Variants in ADCY5 observed in about 807,000 individuals in gnomAD.
ADCY5 encodes adenylate cyclase type 5.
ADCY5 carries 30 observed loss-of-function variants against 119.7 expected under a neutral mutation model. The ratio of observed to expected loss-of-function variants is 0.25; its 90% CI spans 0.19 to 0.34. The LOEUF is 0.34. ADCY5 is among the 10% of genes least tolerant of loss of function. The probability of loss-of-function intolerance (pLI) is 1.00; values close to 1 mark genes in which losing one functional copy is unlikely to be tolerated. For synonymous variants in ADCY5, 753 were observed against 762.2 expected (o/e 0.99, Z 0.20); for missense variants, 1,324 against 1,775.2 (o/e 0.75, Z 4.57).
chr3:123,435,460 C>T (rs1276855600), intron 1 of ADCY5, among the ~76,000 whole-genome samples: 1 of 152,160 alleles, frequency 6.6e-6, no homozygotes, highest in African/African-American at 2.4e-5. Context: ...GAAGATTTAA[C>T]CAATGACGGA....
Position 123,448,221 on chromosome 3 carries a change from C to T in ADCY5, c.325G>A (p.Asp109Asn), listed in dbSNP as rs754662303. 6 of 1,335,318 alleles carry T rather than the reference C, an allele frequency of 4.5e-6. No individual in the cohort carries two copies. The highest frequency in any genetic ancestry group is 5.7e-6 in the Non-Finnish European group (6 of 1,044,196). The allele number at this position is 1,335,318 out of a possible 1,614,324, so 82.7% of individuals were successfully genotyped here. The stretch of plus-strand genomic sequence containing the variant: ...CGGCGGCTGCCGCGACCGCAGTCGT[C>T]GCCGCCGCGCTCCTGCCAGGCGGAC... Reference protein sequence around the residue: ...SKSAWQERGGDDCGRGSRRQR... With the variant: ...SKSAWQERGGNDCGRGSRRQR... Residue 109 changes from aspartate to asparagine, a missense_variant, in exon 1 of 21, where the codon GAC becomes AAC. This residue lies in a region of ADCY5 where 585 missense variants were observed against 569.9 expected (regional missense o/e 1.03). Transcript: ENST00000462833.
chr3:123,427,839 GT>G (rs1366210500), intron 1 of ADCY5, among the ~76,000 whole-genome samples: 1 of 152,230 alleles, frequency 6.6e-6, no homozygotes, highest in Non-Finnish European at 1.5e-5. Flanking sequence ...TGAGGACAGG[GT>G]CTGTGGCTTG....
chr3:123,437,304 C>A (rs1380070210), intron 1 of ADCY5, among the ~76,000 whole-genome samples: 1 of 152,122 alleles, frequency 6.6e-6, no homozygotes, highest in Non-Finnish European at 1.5e-5. Flanking sequence ...AACTCCCTGG[C>A]ACTTCTGACC....
intron 1 of ADCY5, chr3:123,416,311 A>G (rs1653248819): frequency 1.3e-6 from 2 of 1,535,976 alleles, no homozygotes; most frequent in Non-Finnish European, 8.7e-7. Flanking sequence ...AAGGGGCTAA[A>G]GGCAATAACC....
intron 16 of ADCY5, among the ~76,000 whole-genome samples, chr3:123,296,570 G>C (rs138699659): frequency 0.014 from 2,057 of 152,296 alleles, 46 homozygotes; most frequent in African/African-American, 0.048. Flanking sequence ...CAAGACAGGG[G>C]CAGTGGGTGC....
chr3:123,376,922 G>A (rs932972153), intron 1 of ADCY5, among the ~76,000 whole-genome samples: 87 of 152,304 alleles, frequency 5.7e-4, no homozygotes, highest in Middle Eastern at 3.4e-3. Flanking sequence ...GTCATCCCCT[G>A]GGGGAAGCTG....
intron 3 of ADCY5, among the ~76,000 whole-genome samples, chr3:123,333,040 C>T (rs1383620783): frequency 1.3e-5 from 2 of 151,902 alleles, no homozygotes; most frequent in Admixed American, 6.6e-5. Context: ...ATTACAGCCA[C>T]GAGCCACCAC....
chr3:123,375,525 T>TG (rs1230270068), intron 1 of ADCY5, among the ~76,000 whole-genome samples: 2 of 152,242 alleles, frequency 1.3e-5, no homozygotes, highest in Non-Finnish European at 2.9e-5. Flanking sequence ...TTCCCAGTTC[T>TG]CAGAGCAATC....
chr3:123,333,597 G>A (rs916466718), intron 3 of ADCY5, among the ~76,000 whole-genome samples: 3 of 152,234 alleles, frequency 2.0e-5, no homozygotes, highest in African/African-American at 4.8e-5. Flanking sequence ...CCCAGCCCAG[G>A]AGGAAGGCAG....
chr3:123,330,082 C>T (rs139790534), intron 5 of ADCY5, among the ~76,000 whole-genome samples: 4 of 152,322 alleles, frequency 2.6e-5, no homozygotes, highest in Admixed American at 6.5e-5. Flanking sequence ...TGGTCTCTCT[C>T]CCTTAAGGCT....
In ADCY5 at chr3:123,312,917, C is replaced by G. The variant is rs902561635; in HGVS notation, c.2442+1318G>C. On this transcript the variant is annotated intron_variant, in intron 12 of 20. Coordinates refer to ENST00000462833, the MANE Select transcript of ADCY5 (RefSeq NM_183357.3). ...TCTGGATAAAGCAGGCTGGGGGGGG[C>G]CTTGACAACAGAAAGACCAAAAGGC... 8.5e-5 allele frequency among the ~76,000 whole-genome samples: 12 copies of G among 141,782 alleles called. No individual in the cohort carries two copies. In the East Asian group the frequency reaches 2.4e-3, roughly 28 times the overall value. 93.0% of individuals were successfully genotyped at this position (141,782 alleles called of 152,430 possible).
Position 123,327,766 on chromosome 3 carries a change from G to T in ADCY5, c.1806-7C>A, listed in dbSNP as rs377157807. ...CTTGGTGATGTGGATGCGTCTACAG[G>T]GGGGCAGGGATCAGGGTGGAGAGGG... is the stretch of plus-strand genomic sequence containing the variant. On this transcript the variant is annotated splice_polypyrimidine_tract_variant and splice_region_variant and intron_variant, in intron 6 of 20. Coordinates refer to ENST00000462833, the MANE Select transcript of ADCY5 (RefSeq NM_183357.3). The T allele has an allele frequency of 1.2e-5, 19 of 1,613,866 alleles. 1 individual carries two copies. In the Middle Eastern group the frequency reaches 4.9e-4, roughly 42 times the overall value.
intron 1 of ADCY5, among the ~76,000 whole-genome samples, chr3:123,425,012 C>T (rs963940839): frequency 7.9e-5 from 12 of 152,198 alleles, no homozygotes; most frequent in African/African-American, 2.2e-4. Flanking sequence ...TGACTTCTGG[C>T]GCACTGGCAC....
At chr3:123,426,468 C>T (rs1338058558) in intron 1 of ADCY5, among the ~76,000 whole-genome samples, 3 of 151,912 alleles carry the variant, frequency 2.0e-5, no homozygotes, top group African/African-American at 4.8e-5. Context: ...GGACTACAGG[C>T]GTGCGCCACC....
chr3:123,411,774 C>A (rs1945055032), intron 1 of ADCY5, among the ~76,000 whole-genome samples: 1 of 152,206 alleles, frequency 6.6e-6, no homozygotes, highest in Non-Finnish European at 1.5e-5. Context: ...CACAGCTTAA[C>A]CTAATGGGAC....
intron 3 of ADCY5, among the ~76,000 whole-genome samples, chr3:123,337,271 A>G (rs1942068057): frequency 6.6e-6 from 1 of 152,152 alleles, no homozygotes; most frequent in Non-Finnish European, 1.5e-5. Flanking sequence ...CCCTTAGGAA[A>G]CAAGCAGCTG....
chr3:123,357,308 C>T (rs560944991), intron 1 of ADCY5, among the ~76,000 whole-genome samples: 1 of 151,836 alleles, frequency 6.6e-6, no homozygotes, highest in Admixed American at 6.5e-5. Context: ...GATGGCTGGA[C>T]AGAGAAAGAG....
intron 3 of ADCY5, among the ~76,000 whole-genome samples, chr3:123,342,118 G>A (rs965229597): frequency 6.6e-6 from 1 of 152,164 alleles, no homozygotes; most frequent in South Asian, 2.1e-4. Context: ...CTTCATGTCA[G>A]GTTTGAGACG....
chr3:123,286,738 T>C lies in ADCY5; in HGVS notation c.3604A>G (p.Thr1202Ala). 6.2e-7 allele frequency: 1 copy of C among 1,613,594 alleles called. No individual in the cohort carries two copies. The highest frequency in any genetic ancestry group is 8.5e-7 in the Non-Finnish European group (1 of 1,179,782). The change falls in exon 20 of 21, where the codon ACC (threonine) becomes GCC (alanine). Residue 1202 changes from threonine to alanine, a missense_variant. Physicochemically the swap from Thr to Ala is moderately conservative, Grantham distance 58. Coordinates refer to ENST00000462833, the MANE Select transcript of ADCY5 (RefSeq NM_183357.3). The surrounding 1 kb of genome is among the most constrained non-coding windows in gnomAD (Gnocchi z 4.2). Reference protein sequence around the residue: ...RKPQYDIWGNTVNVASRMDST... With the variant: ...RKPQYDIWGNAVNVASRMDST... Reference sequence around the variant, plus strand: ...TCCATGCGGCTGGCCACGTTCACGGTATTGCCCCAGATGTCGTACTGAGGC... The same window carrying C: ...TCCATGCGGCTGGCCACGTTCACGGCATTGCCCCAGATGTCGTACTGAGGC...
Sources: allele counts gnomAD v4.1 joint callset (sites outside exome capture counted in the v4.1 genomes callset), GRCh38; gene constraint gnomAD v4.1.1; regional missense constraint gnomAD v4.1.1; non-coding constraint Gnocchi (gnomAD v3.1); transcripts MANE v1.5; gene names NCBI Gene and HGNC (gene_info 2026-07-23, HGNC 2026-07-21).